SYT2: variants seen among roughly 807,000 people sequenced by gnomAD.
The protein encoded by SYT2 is synaptotagmin 2, also known as synaptotagmin-2.
In SYT2, 15 loss-of-function variants were observed where a neutral mutation model predicts 39.9. That is an observed-to-expected ratio of 0.38 (90% CI 0.25 to 0.58). SYT2 has a LOEUF of 0.58. Ranked by LOEUF, SYT2 falls within the 20% of genes least tolerant of loss-of-function variation. The pLI is 0.70. For missense variants in SYT2, 389 were observed against 530.3 expected (o/e 0.73, Z 2.62); for synonymous variants, 181 against 204.5 (o/e 0.89, Z 0.98).
intron 1 of SYT2, among the ~76,000 whole-genome samples, chr1:202,625,157 G>A (rs111214072): frequency 4.1e-4 from 1 of 2,438 alleles, no homozygotes; most frequent in African/African-American, 8.3e-4. Context: ...GGTGTGTGGT[G>A]TGTCTGTGTG....
intron 1 of SYT2, among the ~76,000 whole-genome samples, chr1:202,624,766 GGT>G (rs1691320639): frequency 4.8e-5 from 1 of 20,726 alleles, no homozygotes. Context: ...GTGTGTGTGT[GGT>G]GTGTGGTGTG....
chr1:202,658,371 G>C (rs1692316632), intron 1 of SYT2, among the ~76,000 whole-genome samples: 1 of 152,178 alleles, frequency 6.6e-6, no homozygotes, highest in South Asian at 2.1e-4. Context: ...CCACAGACCA[G>C]GAAGCCAGCC....
At chr1:202,641,312 C>T (rs1285766197) in intron 1 of SYT2, among the ~76,000 whole-genome samples, 2 of 152,234 alleles carry the variant, frequency 1.3e-5, no homozygotes, top group African/African-American at 4.8e-5. Context: ...GCTCCCATCA[C>T]CCAGCCAAGC....
At chr1:202,674,196 G>T (rs563692549) in intron 1 of SYT2, among the ~76,000 whole-genome samples, 1 of 152,112 alleles carries the variant, frequency 6.6e-6, no homozygotes, top group Non-Finnish European at 1.5e-5. Flanking sequence ...CCGCCTCCTG[G>T]GTTCAAGCAA....
intron 1 of SYT2, among the ~76,000 whole-genome samples, chr1:202,662,486 G>C (rs1179176364): frequency 6.6e-6 from 1 of 152,234 alleles, no homozygotes. Flanking sequence ...TAGTCTACCT[G>C]GACTATGACA....
At position 202,637,584 on chromosome 1, in the gene SYT2, T is replaced by C. The variant is rs533822192; in HGVS notation, c.-17-31795A>G. Among the ~76,000 whole-genome samples the C allele has an allele frequency of 7.9e-5, 12 of 152,214 alleles. No homozygotes were observed. In the South Asian group the frequency reaches 1.2e-3, roughly 16 times the overall value. ...GCCCAGCCGAGCAGTGGGGAGCAGGTTGAAGGCAGGCTTGGAGCTGGCAGG... is the reference window on the plus strand; with the variant it reads ...GCCCAGCCGAGCAGTGGGGAGCAGGCTGAAGGCAGGCTTGGAGCTGGCAGG... On this transcript the variant is annotated intron_variant, in intron 1 of 8. Transcript: ENST00000367268.
chr1:202,651,010 T>C (rs1326308474), intron 1 of SYT2, among the ~76,000 whole-genome samples: 3 of 151,482 alleles, frequency 2.0e-5, no homozygotes, highest in Non-Finnish European at 2.9e-5. Flanking sequence ...GGGAGGGGCA[T>C]TGGAGCCTGG....
At chr1:202,626,422 T>A (rs1441441594) in intron 1 of SYT2, among the ~76,000 whole-genome samples, 44 of 138,258 alleles carry the variant, frequency 3.2e-4, no homozygotes, top group African/African-American at 7.7e-4. Flanking sequence ...TTTTTTTTTT[T>A]TTTTGAGACA....
Position 202,599,294 on chromosome 1 carries a change from G to T in SYT2, c.977C>A (p.Thr326Lys), listed in dbSNP as rs1476773541. ...GTTCAGGGTCTTCTTCTTCACGGTT[G>T]TCTTCTTCTTCTTGAGCCTCTTGCC... ...QNGKRLKKKK[T>K]TVKKKTLNPY... The change falls in exon 8 of 9, where the codon ACA (threonine) becomes AAA (lysine). Residue 326 changes from threonine to lysine, a missense_variant. This residue lies in a region of SYT2 where 84 missense variants were observed against 123.1 expected (regional missense o/e 0.68). Transcript: ENST00000367268. The surrounding 1 kb of genome is among the most constrained non-coding windows in gnomAD (Gnocchi z 4.4). 6.2e-7 allele frequency: 1 copy of T among 1,609,710 alleles called. No individual in the cohort carries two copies. Among genetic ancestry groups the T allele is most frequent in the Non-Finnish European group, 8.5e-7 (1 of 1,178,604 alleles).
intron 1 of SYT2, among the ~76,000 whole-genome samples, chr1:202,689,175 C>T (rs1653755844): frequency 6.6e-6 from 1 of 152,192 alleles, no homozygotes; most frequent in African/African-American, 2.4e-5. Context: ...CTGGACCACT[C>T]TTAGCCCCCT....
In SYT2 at chr1:202,656,522, G is replaced by A. The variant is rs139685057; in HGVS notation, c.-17-50733C>T. ...AAGTCCCAACTGCTGCTTCCCAAGCGGACAGCCTTAGGGAAGTGTCTTTAA... is the reference window on the plus strand; with the variant it reads ...AAGTCCCAACTGCTGCTTCCCAAGCAGACAGCCTTAGGGAAGTGTCTTTAA... On this transcript the variant is annotated intron_variant, in intron 1 of 8. Coordinates refer to ENST00000367268, the MANE Select transcript of SYT2 (RefSeq NM_177402.5). Among the ~76,000 whole-genome samples, 804 of 152,286 alleles carry A rather than the reference G, an allele frequency of 5.3e-3. 9 individuals are homozygous for A. Among genetic ancestry groups the A allele is most frequent in the African/African-American group, 0.018 (755 of 41,542 alleles).
At chr1:202,645,200 C>A (rs1326228286) in intron 1 of SYT2, among the ~76,000 whole-genome samples, 4 of 151,970 alleles carry the variant, frequency 2.6e-5, no homozygotes, top group African/African-American at 9.7e-5. Flanking sequence ...CAGGAGGGCA[C>A]CAGGGGTTTC....
At position 202,643,322 on chromosome 1, in the gene SYT2, C is replaced by CG. The variant is rs547455210; in HGVS notation, c.-17-37534dup. ...GTTCAGCCTGAGCTGGTGGAGAGGGCGGGGGCGGGGGCGGGGGCGGGGACA... is the reference window on the plus strand; with the variant it reads ...GTTCAGCCTGAGCTGGTGGAGAGGGCGGGGGGCGGGGGCGGGGGCGGGGACA... On this transcript the variant is annotated intron_variant, in intron 1 of 8. Coordinates refer to ENST00000367268, the MANE Select transcript of SYT2 (RefSeq NM_177402.5). 771 of 112,052 alleles carry CG rather than the reference C, an allele frequency of 6.9e-3. 16 individuals carry two copies. In the East Asian group the frequency reaches 0.13, roughly 18 times the overall value. 6.9% of individuals were successfully genotyped at this position (112,052 alleles called of 1,614,324 possible).
At chr1:202,605,421 G>T in intron 2 of SYT2, 174 bp downstream of exon 2, 1 of 528,040 alleles carries the variant, frequency 1.9e-6, no homozygotes, top group Non-Finnish European at 3.4e-6. Flanking sequence ...CCACATTAGT[G>T]GCAGATCCTA....
At chr1:202,671,641 GA>G (rs1189276851) in intron 1 of SYT2, among the ~76,000 whole-genome samples, 1 of 152,198 alleles carries the variant, frequency 6.6e-6, no homozygotes, top group African/African-American at 2.4e-5. Context: ...CTAGAGAAAC[GA>G]AAGTCAATAA....
At chr1:202,706,651 C>A (rs901554783) in intron 1 of SYT2, among the ~76,000 whole-genome samples, 1 of 152,202 alleles carries the variant, frequency 6.6e-6, no homozygotes, top group African/African-American at 2.4e-5. Context: ...AGAAAAAAAT[C>A]TCTGACTTGA....
At chr1:202,672,229 T>C (rs1249429447) in intron 1 of SYT2, among the ~76,000 whole-genome samples, 1 of 152,222 alleles carries the variant, frequency 6.6e-6, no homozygotes, top group Non-Finnish European at 1.5e-5. Context: ...GGACTGAATG[T>C]TTGCGTCCTC....
chr1:202,602,197 C>T, intron 5 of SYT2, 140 bp from the exon 6 acceptor site: 2 of 698,856 alleles, frequency 2.9e-6, no homozygotes, highest in South Asian at 3.3e-5. Context: ...TTTTGGGGAG[C>T]AGAGTGTGAG....
chr1:202,655,791 A>G (rs1193149682), intron 1 of SYT2, among the ~76,000 whole-genome samples: 1 of 152,168 alleles, frequency 6.6e-6, no homozygotes, highest in African/African-American at 2.4e-5. Flanking sequence ...CATCTGTGTC[A>G]TGGGTAGCAA....
Sources: allele counts gnomAD v4.1 joint callset (sites outside exome capture counted in the v4.1 genomes callset), GRCh38; gene constraint gnomAD v4.1.1; regional missense constraint gnomAD v4.1.1; non-coding constraint Gnocchi (gnomAD v3.1); transcripts MANE v1.5; gene names NCBI Gene and HGNC (gene_info 2026-07-23, HGNC 2026-07-21).